Variants in SMAD1 observed in about 807,000 individuals in gnomAD.
SMAD1 encodes the protein MAD, mothers against decapentaplegic homolog 1.
SMAD1 carries 6 observed loss-of-function variants against 41.6 expected under a neutral mutation model. That is an observed-to-expected ratio of 0.14 (90% CI 0.08 to 0.28). The LOEUF (loss-of-function observed/expected upper bound fraction) is 0.28. Among genes scored for constraint, SMAD1 ranks in the 10% least tolerant of loss-of-function variants. The pLI is 1.00. For synonymous variants in SMAD1, 206 were observed against 203.2 expected, an observed-to-expected ratio of 1.01 and a Z score of -0.12; for missense variants, 379 against 582.6, an observed-to-expected ratio of 0.65 and a Z score of 3.60.
chr4:145,520,366 C>G (rs1348756783), intron 2 of SMAD1, among the ~76,000 whole-genome samples: 1 of 152,134 alleles, frequency 6.6e-6, no homozygotes, highest in African/African-American at 2.4e-5. Flanking sequence ...TAAACCCTTC[C>G]ACAGACCTAC....
chr4:145,539,769 G>T, intron 2 of SMAD1, 35 bp from the exon 3 acceptor site: 1 of 1,602,534 alleles, frequency 6.2e-7, no homozygotes, highest in Non-Finnish European at 8.5e-7. Flanking sequence ...TAATTCTCAT[G>T]TTTGTCCTTC....
At chr4:145,544,927 A>G (rs1292325329) in intron 4 of SMAD1, 3 of 152,214 alleles carry the variant, frequency 2.0e-5, no homozygotes, top group Non-Finnish European at 4.4e-5. Flanking sequence ...ATTTCAGGAA[A>G]CAGATCTTTA....
intron 1 of SMAD1, among the ~76,000 whole-genome samples, chr4:145,504,480 T>G (rs1729652929): frequency 6.6e-6 from 1 of 152,228 alleles, no homozygotes; most frequent in Admixed American, 6.5e-5. Flanking sequence ...TAATCTTTCA[T>G]GCTTTTTGTT....
intron 5 of SMAD1, among the ~76,000 whole-genome samples, chr4:145,549,151 T>TA (rs1732416694): frequency 6.6e-6 from 1 of 152,100 alleles, no homozygotes; most frequent in Non-Finnish European, 1.5e-5. Context: ...GTTAAAGAGA[T>TA]ATGACACCTG....
intron 6 of SMAD1, among the ~76,000 whole-genome samples, chr4:145,556,712 A>ACAGAGTCTCTCTCTGTCACCGACGC (rs1262118012): frequency 6.6e-6 from 1 of 152,024 alleles, no homozygotes; most frequent in Admixed American, 6.6e-5. Flanking sequence ...CCTGCCTGAG[A>ACAGAGTCTCTCTCTGTCACCGACGC]CAGAGTCTCT....
At chr4:145,515,650 G>T (rs1401356055) in intron 2 of SMAD1, among the ~76,000 whole-genome samples, 3 of 152,110 alleles carry the variant, frequency 2.0e-5, no homozygotes, top group East Asian at 1.9e-4. Context: ...TTTTGGGAGG[G>T]TATGGTAAAG....
At chr4:145,538,592 T>C (rs1731741985) in intron 2 of SMAD1, among the ~76,000 whole-genome samples, 1 of 152,234 alleles carries the variant, frequency 6.6e-6, no homozygotes, top group Admixed American at 6.5e-5. Context: ...ATATAAATTA[T>C]GCATAGATTC....
At chr4:145,504,760 T>C in intron 1 of SMAD1, among the ~76,000 whole-genome samples, 1 of 152,238 alleles carries the variant, frequency 6.6e-6, no homozygotes, top group East Asian at 1.9e-4. Flanking sequence ...GACTTCTGAT[T>C]AATTCAGCCT....
At chr4:145,534,769 A>T (rs1281322966) in intron 2 of SMAD1, among the ~76,000 whole-genome samples, 1 of 152,240 alleles carries the variant, frequency 6.6e-6, no homozygotes, top group Non-Finnish European at 1.5e-5. Context: ...CTCCAAAGGG[A>T]TCACAGAGCT....
intron 2 of SMAD1, among the ~76,000 whole-genome samples, chr4:145,521,314 C>T (rs1024026765): frequency 9.9e-5 from 15 of 152,176 alleles, no homozygotes; most frequent in African/African-American, 3.4e-4. Flanking sequence ...TGGAGATTAC[C>T]TGCCATTGGC....
intron 1 of SMAD1, among the ~76,000 whole-genome samples, chr4:145,501,699 G>C (rs1729450927): frequency 6.7e-6 from 1 of 148,156 alleles, no homozygotes; most frequent in African/African-American, 2.5e-5. Flanking sequence ...ATTTTCATCT[G>C]TGAATTTGAT....
intron 1 of SMAD1, among the ~76,000 whole-genome samples, chr4:145,502,332 G>A (rs1729489349): frequency 6.6e-6 from 1 of 152,144 alleles, no homozygotes; most frequent in Non-Finnish European, 1.5e-5. Context: ...TGGGAATGGG[G>A]GTTCAATGGG....
At chr4:145,528,060 TACACACACACAC>T (rs35710925) in intron 2 of SMAD1, among the ~76,000 whole-genome samples, 10 of 142,158 alleles carry the variant, frequency 7.0e-5, no homozygotes, top group African/African-American at 1.8e-4. Flanking sequence ...TTTTTGTTTG[TACACACACACAC>T]ACACACACAC....
intron 1 of SMAD1, among the ~76,000 whole-genome samples, chr4:145,510,017 T>C (rs924843961): frequency 6.6e-6 from 1 of 152,200 alleles, no homozygotes; most frequent in African/African-American, 2.4e-5. Context: ...GAGTCCTACA[T>C]TGTTTCCTGT....
intron 6 of SMAD1, among the ~76,000 whole-genome samples, chr4:145,555,457 G>A (rs1267092754): frequency 2.0e-5 from 3 of 152,082 alleles, no homozygotes; most frequent in East Asian, 1.9e-4. Flanking sequence ...CAGGTTTATC[G>A]TCTTTGAAAT....
intron 4 of SMAD1, among the ~76,000 whole-genome samples, chr4:145,543,474 A>G (rs1732066022): frequency 6.6e-6 from 1 of 152,218 alleles, no homozygotes. Context: ...GGAACAAACT[A>G]ATAGAATTTC....
chr4:145,524,515 A>G (rs1730924695), intron 2 of SMAD1, among the ~76,000 whole-genome samples: 1 of 152,230 alleles, frequency 6.6e-6, no homozygotes, highest in African/African-American at 2.4e-5. Context: ...GTTTCTGGGC[A>G]GAATTTTTCT....
At chr4:145,527,937 T>C (rs1731114389) in intron 2 of SMAD1, among the ~76,000 whole-genome samples, 1 of 151,470 alleles carries the variant, frequency 6.6e-6, no homozygotes, top group African/African-American at 2.4e-5. Flanking sequence ...CTTGGCTCAC[T>C]GCAACTTCCA....
At chr4:145,526,613 A>G (rs1467905752) in intron 2 of SMAD1, among the ~76,000 whole-genome samples, 1 of 151,340 alleles carries the variant, frequency 6.6e-6, no homozygotes, top group Non-Finnish European at 1.5e-5. Context: ...GATCAACGGA[A>G]TAATTAAGGA....
Sources: allele counts gnomAD v4.1 joint callset (sites outside exome capture counted in the v4.1 genomes callset), GRCh38; gene constraint gnomAD v4.1.1; transcripts MANE v1.5; gene names NCBI Gene and HGNC (gene_info 2026-07-23, HGNC 2026-07-21).